ATG9B: variants seen among roughly 807,000 people sequenced by gnomAD.
ATG9B encodes autophagy related 9B.
Under a neutral mutation model 92.9 loss-of-function variants are expected in ATG9B, and 92 were observed. The ratio of observed to expected loss-of-function variants is 0.99; its 90% confidence interval spans 0.84 to 1.18. The LOEUF is 1.18. Among genes scored for constraint, ATG9B ranks in the 50% most tolerant of loss-of-function variants. The probability of loss-of-function intolerance (pLI) is 0.00; values close to 1 mark genes in which losing one functional copy is unlikely to be tolerated. For missense variants in ATG9B, 1,344 were observed against 1,235.0 expected, an observed-to-expected ratio of 1.09 and a Z score of -1.32; for synonymous variants, 599 against 551.4, an observed-to-expected ratio of 1.09 and a Z score of -1.21.
At chr7:151,013,929 GCGGGC>G (rs201015554), downstream of ATG9B, 1 of 1,598,094 alleles carries the variant, frequency 6.3e-7, no homozygotes, top group South Asian at 1.1e-5. Context: ...GTGCGGAGGG[GCGGGC>G]CGGGCCTGAG....
intron 10 of ATG9B, 76 bp downstream of exon 10, chr7:151,016,612 C>A: frequency 2.6e-6 from 4 of 1,543,882 alleles, no homozygotes; most frequent in Non-Finnish European, 3.5e-6. Flanking sequence ...CCCCCCTCAG[C>A]GCCCCAGCTC....
chr7:151,017,804 T>G (rs1795562792), intron 8 of ATG9B, 67 bp downstream of exon 8: 2 of 1,465,830 alleles, frequency 1.4e-6, no homozygotes, highest in Admixed American at 2.4e-5. Flanking sequence ...GGAACTCAGG[T>G]CTGCTCCCGA....
chr7:151,012,326 C>T, downstream of ATG9B: 2 of 1,542,802 alleles, frequency 1.3e-6, no homozygotes. Flanking sequence ...GCAAAGGGGA[C>T]CTGATGGAGT....
At position 151,019,052 on chromosome 7, in the gene ATG9B, C is replaced by T. The variant is rs766958112; in HGVS notation, c.1286G>A (p.Gly429Asp). Residue 429 changes from glycine to aspartate, a missense_variant, in exon 6 of 14, where the codon GGC becomes GAC. Gly to Asp is a moderately conservative substitution (Grantham distance 94). Transcript: ENST00000639579. ...GCGCCCCCAGCGCGCTGCTAGGGCG[C>T]CCCGCTGGTCGCTGCGCTTGTAGGC... ...PHAYKRSDQR[G>D]ALAARWGRTV... 3.9e-6 allele frequency: 6 copies of T among 1,537,232 alleles called. No homozygotes were observed. Among genetic ancestry groups the T allele is most frequent in the African/African-American group, 2.7e-5 (2 of 72,958 alleles).
rs1201878267 is a variant in ATG9B at position 151,018,839 on chromosome 7, CGCAGCTCGTGCG to C, written c.1487_1498del (p.Pro496_Leu499del). 26 of 1,292,034 alleles carry C rather than the reference CGCAGCTCGTGCG, an allele frequency of 2.0e-5. No homozygotes were observed. The highest frequency in any genetic ancestry group is 4.8e-5 in the South Asian group (2 of 41,872). The allele number at this position is 1,292,034 out of a possible 1,614,324, so 80.0% of individuals were successfully genotyped here. On this transcript the variant is annotated inframe_deletion, in exon 6 of 14. Coordinates refer to ENST00000639579, the MANE Select transcript of ATG9B (RefSeq NM_001317056.2). The surrounding 1 kb of genome is among the most constrained non-coding windows in gnomAD (Gnocchi z 4.7). ...GCGGTAGGCGCGGGCCAGGCGCGCG[CGCAGCTCGTGCG>C]GCAGCTCGTTGAAGTGGCGCAGCTG...
Position 151,017,917 on chromosome 7 carries a change from ATGT to A in ATG9B, c.2003_2005del (p.Asp668_Ile669delinsVal). On this transcript the variant is annotated inframe_deletion, in exon 8 of 14. Coordinates refer to ENST00000639579, the MANE Select transcript of ATG9B (RefSeq NM_001317056.2). The stretch of plus-strand genomic sequence containing the variant: ...CACATCCATAAGGGCAAAGGAACAG[ATGT>A]CCCCAACCCCAGCCACATCCACAGT... 1 of 1,610,364 alleles carries A rather than the reference ATGT, an allele frequency of 6.2e-7. No individual in the cohort carries two copies. Among genetic ancestry groups the A allele is most frequent in the Non-Finnish European group, 8.5e-7 (1 of 1,178,430 alleles).
chr7:151,017,714 C>A (rs1795558817), intron 8 of ATG9B, among the ~76,000 whole-genome samples, 157 bp downstream of exon 8: 1 of 152,206 alleles, frequency 6.6e-6, no homozygotes, highest in South Asian at 2.1e-4. Flanking sequence ...TTGTTGCCAT[C>A]TGACAGACGA....
rs759084553 is a variant in ATG9B, at chr7:151,023,736, C to A, written c.551-6G>T. 6.8e-6 allele frequency: 11 copies of A among 1,613,922 alleles called. No homozygotes were observed. The highest frequency in any genetic ancestry group is 9.3e-6 in the Non-Finnish European group (11 of 1,180,040). ...CTGGATGTGATGCCAGGAGCCTGGG[C>A]ACAGAGGGGAGAGTGTCAGCCCCTG... On this transcript the variant is annotated splice_polypyrimidine_tract_variant and splice_region_variant and intron_variant, in intron 1 of 13. Transcript: ENST00000639579.
rs756540226 is a variant in ATG9B, at chr7:151,023,226, G to A, written c.660-20C>T. On this transcript the variant is annotated intron_variant, in intron 3 of 13. Coordinates refer to ENST00000639579, the MANE Select transcript of ATG9B (RefSeq NM_001317056.2). Reference sequence around the variant, plus strand: ...AATTGTCTGCCGGGAGGAAGGGGGGGTGCCGGGATGCTGCAGTGATCAGGG... The same window carrying A: ...AATTGTCTGCCGGGAGGAAGGGGGGATGCCGGGATGCTGCAGTGATCAGGG... 4 of 1,614,046 alleles carry A rather than the reference G, an allele frequency of 2.5e-6. No homozygotes were observed. Among genetic ancestry groups the A allele is most frequent in the Admixed American group, 3.3e-5 (2 of 60,022 alleles).
chr7:151,012,936 ACTGCGATGTCACACAATGCAAAGGG>A (rs1043992573), downstream of ATG9B: 1 of 451,018 alleles, frequency 2.2e-6, no homozygotes, highest in Admixed American at 4.0e-5. Flanking sequence ...GGGGAAGGGG[ACTGCGATGTCACACAATGCAAAGGG>A]CATGGAATTC....
chr7:151,020,303 AG>A (rs899378020), intron 5 of ATG9B: 1 of 152,786 alleles, frequency 6.5e-6, no homozygotes, highest in African/African-American at 2.4e-5. Flanking sequence ...CAAGTCCCCC[AG>A]GCTGGCCTCT....
At chr7:151,022,220 C>T (rs1795779741) in intron 4 of ATG9B, among the ~76,000 whole-genome samples, 1 of 148,440 alleles carries the variant, frequency 6.7e-6, no homozygotes, top group African/African-American at 2.5e-5. Context: ...TGTAGGGATG[C>T]TGCAGTGATC....
downstream of ATG9B, chr7:151,013,935 C>T (rs766720747): frequency 7.5e-6 from 12 of 1,597,648 alleles, no homozygotes; most frequent in African/African-American, 5.4e-5. Flanking sequence ...AGGGGCGGGC[C>T]GGGCCTGAGC....
chr7:151,012,974 A>T (rs943687576), downstream of ATG9B: 16 of 517,296 alleles, frequency 3.1e-5, no homozygotes, highest in Non-Finnish European at 5.4e-5. Flanking sequence ...TGGAATTCTG[A>T]GTCCGAAGCC....
intron 4 of ATG9B, among the ~76,000 whole-genome samples, chr7:151,022,632 T>A (rs1371414179): frequency 2.6e-5 from 4 of 151,868 alleles, no homozygotes; most frequent in African/African-American, 9.7e-5. Flanking sequence ...GTGGATCACC[T>A]GAGGCCAGGA....
Position 151,024,491 on chromosome 7 carries a change from C to G in ATG9B, c.-68G>C. On this transcript the variant is annotated 5_prime_UTR_variant, in exon 1 of 14. Coordinates refer to ENST00000639579, the MANE Select transcript of ATG9B (RefSeq NM_001317056.2). ...TTGTTGCTTCCACAAAGGTCTGTGA[C>G]ACTGAGCTGGGACTTCAACAGGAAC... The G allele has an allele frequency of 8.4e-7, 1 of 1,189,130 alleles. No homozygotes were observed. The highest frequency in any genetic ancestry group is 3.1e-5 in the East Asian group (1 of 32,522). 73.7% of individuals were successfully genotyped at this position (1,189,130 alleles called of 1,614,324 possible).
chr7:151,019,154 C>A lies in ATG9B; in HGVS notation c.1184G>T (p.Gly395Val). ...WGGSAAFLSRGLALNVDLLLF... is the reference protein window; with the variant it reads ...WGGSAAFLSRVLALNVDLLLF... Reference sequence around the variant, plus strand: ...CAGCAGGTCGACATTGAGCGCCAGGCCGCGGCTGAGGAAAGCCGCACTGCC... The same window carrying A: ...CAGCAGGTCGACATTGAGCGCCAGGACGCGGCTGAGGAAAGCCGCACTGCC... The change falls in exon 6 of 14, where the codon GGC (glycine) becomes GTC (valine). Residue 395 changes from glycine (G) to valine (V), a missense_variant. Coordinates refer to ENST00000639579, the MANE Select transcript of ATG9B (RefSeq NM_001317056.2). 6.5e-7 allele frequency: 1 copy of A among 1,536,212 alleles called. No homozygotes were observed. The highest frequency in any genetic ancestry group is 8.7e-7 in the Non-Finnish European group (1 of 1,146,620).
rs369244144 is a variant in ATG9B at position 151,018,054 on chromosome 7, G to C, written c.1873-4C>G. 310 of 1,572,768 alleles carry C rather than the reference G, an allele frequency of 2.0e-4. 1 individual carries two copies. In the African/African-American group the frequency reaches 3.7e-3, roughly 19 times the overall value. ...GGAGCTCCTCCAGGAGGGAGACCTG[G>C]GGAAGCAGCGGTGAGGCTGAGCAGG... On this transcript the variant is annotated splice_region_variant and splice_polypyrimidine_tract_variant and intron_variant, in intron 7 of 13. Coordinates refer to ENST00000639579, the MANE Select transcript of ATG9B (RefSeq NM_001317056.2). This position sits in a 1 kb window ranked among gnomAD's most constrained non-coding sequence, Gnocchi z 4.7.
In ATG9B at chr7:151,015,407, C is replaced by T. The variant is rs1317154557; in HGVS notation, c.*321G>A. ...TTTAGCTCGGCCTCATCCTTGACCT[C>T]TGTCCCCCACCTTGAGGAAACTCGA... On this transcript the variant is annotated 3_prime_UTR_variant, in exon 14 of 14. Coordinates refer to ENST00000639579, the MANE Select transcript of ATG9B (RefSeq NM_001317056.2). 6.5e-6 allele frequency: 1 copy of T among 153,632 alleles called. No homozygotes were observed. Among genetic ancestry groups the T allele is most frequent in the African/African-American group, 2.4e-5 (1 of 41,498 alleles). The allele number at this position is 153,632 out of a possible 1,614,324, so 9.5% of individuals were successfully genotyped here. A position where few individuals can be genotyped will look rare whatever the true frequency, so the allele number is the denominator to read the frequency against.
Sources: allele counts gnomAD v4.1 joint callset (sites outside exome capture counted in the v4.1 genomes callset), GRCh38; gene constraint gnomAD v4.1.1; non-coding constraint Gnocchi (gnomAD v3.1); transcripts MANE v1.5; gene names NCBI Gene and HGNC (gene_info 2026-07-23, HGNC 2026-07-21).